Variants in DDX18 observed in about 807,000 individuals in gnomAD.
DDX18 encodes the protein ATP-dependent RNA helicase DDX18.
DDX18 carries 23 observed loss-of-function variants against 73.5 expected under a neutral mutation model. The observed-to-expected ratio is 0.31, with a 90% CI of 0.23 to 0.44. The LOEUF is 0.44. Among genes scored for constraint, DDX18 ranks in the 20% least tolerant of loss-of-function variants. DDX18 has a pLI of 1.00. For synonymous variants in DDX18, 268 were observed against 282.7 expected, an observed-to-expected ratio of 0.95 and a Z score of 0.52; for missense variants, 753 against 792.9, an observed-to-expected ratio of 0.95 and a Z score of 0.60.
Position 117,814,799 on chromosome 2 carries a change from C to T in DDX18, c.22C>T (p.Leu8Phe), listed in dbSNP as rs1328193583. ...CAGAATGTCACACCTGCCGATGAAA[C>T]TCCTGCGTAAGAAGATCGAGAAGCG... Reference protein sequence around the residue: MSHLPMKLLRKKIEKRNL... With the variant: MSHLPMKFLRKKIEKRNL... The change falls in exon 1 of 14, where the codon CTC becomes TTC. Residue 8 changes from leucine (L) to phenylalanine (F), a missense_variant. Around this residue, in one of 3 missense-constraint regions of DDX18, gnomAD observed 345 missense variants for 352.0 expected, o/e 0.98. Transcript: ENST00000263239. 1.2e-6 allele frequency: 2 copies of T among 1,614,222 alleles called. No individual in the cohort carries two copies. The highest frequency in any genetic ancestry group is 1.1e-5 in the South Asian group (1 of 91,082).
chr2:117,824,845 T>G lies in DDX18; in HGVS notation c.1207-95T>G, dbSNP rs968079512. 16 of 1,482,372 alleles carry G rather than the reference T, an allele frequency of 1.1e-5. No homozygotes were observed. In the African/African-American group the frequency reaches 2.0e-4, roughly 18 times the overall value. 91.8% of individuals were successfully genotyped at this position (1,482,372 alleles called of 1,614,324 possible). On this transcript the variant is annotated intron_variant, in intron 8 of 13. Coordinates refer to ENST00000263239, the MANE Select transcript of DDX18 (RefSeq NM_006773.4). ...AGGTGAGGCATGACAGTTTACACAC[T>G]GTGTTTATCAGTGCTCTTGATGAAA...
rs575877421 is a variant in DDX18, at chr2:117,819,659, A to G, written c.381A>G (p.Lys127=). The change falls in exon 3 of 14, where the codon AAA becomes AAG. Residue 127 remains lysine (K), a synonymous_variant. Coordinates refer to ENST00000263239, the MANE Select transcript of DDX18 (RefSeq NM_006773.4). ...MVNDAEPDTK[K]AKTENKGKSE... ...CTTTTAAAACCAAAGATACGAAAAA[A>G]GCAAAAACTGAAAACAAAGGGAAAT... 1.3e-6 allele frequency: 2 copies of G among 1,581,686 alleles called. No individual in the cohort carries two copies. The highest frequency in any genetic ancestry group is 1.4e-5 in the African/African-American group (1 of 72,770).
chr2:117,825,208 T>C, intron 9 of DDX18, 107 bp downstream of exon 9: 2 of 1,411,802 alleles, frequency 1.4e-6, no homozygotes, highest in South Asian at 1.4e-5. Flanking sequence ...TCTGAGTAGT[T>C]TGATCACCAC....
In DDX18 at chr2:117,830,932, G is replaced by A; in HGVS notation, c.*208G>A. 1.8e-6 allele frequency: 1 copy of A among 568,862 alleles called. No individual in the cohort carries two copies. Among genetic ancestry groups the A allele is most frequent in the South Asian group, 2.6e-5 (1 of 38,668 alleles). The allele number at this position is 568,862 out of a possible 1,614,324, so 35.2% of individuals were successfully genotyped here. A position where few individuals can be genotyped will look rare whatever the true frequency, so the allele number is the denominator to read the frequency against. The stretch of plus-strand genomic sequence containing the variant: ...AAAACAGGCTTTAAGTTTCTTGGTT[G>A]CCCAAGGGCAGAGCAAGGAATATCT... On this transcript the variant is annotated 3_prime_UTR_variant, in exon 14 of 14. Coordinates refer to ENST00000263239, the MANE Select transcript of DDX18 (RefSeq NM_006773.4).
chr2:117,829,220 T>C, intron 12 of DDX18, 69 bp from the exon 13 acceptor site: 1 of 1,493,662 alleles, frequency 6.7e-7, no homozygotes, highest in South Asian at 1.3e-5. Flanking sequence ...CTAGGATATT[T>C]AAAATCTGGT....
At chr2:117,827,373 ACATGTGCAC>A (rs1304397699) in intron 11 of DDX18, 1 of 152,160 alleles carries the variant, frequency 6.6e-6, no homozygotes, top group African/African-American at 2.4e-5. Flanking sequence ...GTTCTAGGGT[ACATGTGCAC>A]CATGTGCAGG....
At chr2:117,817,374 T>G in intron 1 of DDX18, 70 bp from the exon 2 acceptor site, 2 of 1,411,518 alleles carry the variant, frequency 1.4e-6, no homozygotes, top group Non-Finnish European at 1.9e-6. Flanking sequence ...AAGTTCTCAT[T>G]TGGGATTTCA....
rs573632705 is a variant in DDX18, at chr2:117,832,037, G to A, written c.*1313G>A. ...TTCTGGGCTTGGCCACCATCACCCT[G>A]GTCGGACCTGTCCTGGACTTCCAAC... On this transcript the variant is annotated 3_prime_UTR_variant, in exon 14 of 14. Coordinates refer to ENST00000263239, the MANE Select transcript of DDX18 (RefSeq NM_006773.4). 2.6e-5 allele frequency: 4 copies of A among 152,438 alleles called. No homozygotes were observed. The South Asian group carries it at 8.3e-4, about 32-fold the overall frequency. The allele number at this position is 152,438 out of a possible 1,614,324, so 9.4% of individuals were successfully genotyped here.
chr2:117,823,322 C>T (rs1349678826), intron 7 of DDX18, among the ~76,000 whole-genome samples: 1 of 151,954 alleles, frequency 6.6e-6, no homozygotes, highest in Admixed American at 6.6e-5. Flanking sequence ...TCCATGTATT[C>T]GATATTTTCT....
At chr2:117,825,951 A>G (rs745930625) in intron 10 of DDX18, 16 of 388,510 alleles carry the variant, frequency 4.1e-5, no homozygotes, top group Non-Finnish European at 6.0e-5. Flanking sequence ...TTCAACAAAC[A>G]CTGGATTAAA....
chr2:117,830,974 A>C lies in DDX18; in HGVS notation c.*250A>C, dbSNP rs1225798315. ...GGAATATCTGGTGTTTCTTGTGATG[A>C]TAATATTTTAATTTTAAATATCCCT... On this transcript the variant is annotated 3_prime_UTR_variant, in exon 14 of 14. Coordinates refer to ENST00000263239, the MANE Select transcript of DDX18 (RefSeq NM_006773.4). The C allele has an allele frequency of 2.4e-6, 1 of 423,730 alleles. No individual in the cohort carries two copies. Among genetic ancestry groups the C allele is most frequent in the Non-Finnish European group, 4.2e-6 (1 of 240,268 alleles). 26.2% of individuals were successfully genotyped at this position (423,730 alleles called of 1,614,324 possible).
intron 7 of DDX18, 50 bp from the exon 8 acceptor site, chr2:117,824,519 G>A: frequency 2.3e-5 from 30 of 1,328,708 alleles, no homozygotes; most frequent in Non-Finnish European, 2.8e-5. Flanking sequence ...TGAGGCAATT[G>A]TAAAGATTCC....
rs1679980596 is a variant in DDX18, at chr2:117,829,207, G to C, written c.1693-82G>C. ...TAAATGTTTTCCATGGAGTGGCTTT[G>C]CTCTAGGATATTTAAAATCTGGTGT... On this transcript the variant is annotated intron_variant, in intron 12 of 13. Transcript: ENST00000263239. The C allele has an allele frequency of 3.5e-6, 5 of 1,434,544 alleles. No individual in the cohort carries two copies. The East Asian group carries it at 9.1e-5, about 26-fold the overall frequency. 88.9% of individuals were successfully genotyped at this position (1,434,544 alleles called of 1,614,324 possible).
At chr2:117,818,672 TTTTGTTTG>T (rs569132250) in intron 2 of DDX18, among the ~76,000 whole-genome samples, 10 of 151,956 alleles carry the variant, frequency 6.6e-5, no homozygotes, top group East Asian at 3.9e-4. Flanking sequence ...CTTATGGGTT[TTTTGTTTG>T]TTTGTTTGTT....
chr2:117,816,536 T>C (rs537811300), intron 1 of DDX18, among the ~76,000 whole-genome samples: 20 of 152,332 alleles, frequency 1.3e-4, no homozygotes, highest in African/African-American at 4.6e-4. Context: ...ACAATAGGCA[T>C]GGAGCTGTCA....
At chr2:117,822,737 C>G (rs1293108435) in intron 7 of DDX18, 1 of 156,774 alleles carries the variant, frequency 6.4e-6, no homozygotes, top group East Asian at 1.9e-4. Flanking sequence ...ACTGTGACAT[C>G]ATCGCTGCAA....
rs1679724372 is a variant in DDX18 at position 117,814,741 on chromosome 2, C to T, written c.-37C>T. 3 of 1,607,736 alleles carry T rather than the reference C, an allele frequency of 1.9e-6. No individual in the cohort carries two copies. Among genetic ancestry groups the T allele is most frequent in the Non-Finnish European group, 2.6e-6 (3 of 1,174,266 alleles). On this transcript the variant is annotated 5_prime_UTR_variant, in exon 1 of 14. Transcript: ENST00000263239. The stretch of plus-strand genomic sequence containing the variant: ...TCAGCCTGAGAACTGAGTAGCTGTA[C>T]TGTGTGGCGCCTTATTCTAGGCACT...
rs1238489768 is a variant in DDX18 at position 117,830,955 on chromosome 2, T to A, written c.*231T>A. Reference sequence around the variant, plus strand: ...TTGCCCAAGGGCAGAGCAAGGAATATCTGGTGTTTCTTGTGATGATAATAT... The same window carrying A: ...TTGCCCAAGGGCAGAGCAAGGAATAACTGGTGTTTCTTGTGATGATAATAT... On this transcript the variant is annotated 3_prime_UTR_variant, in exon 14 of 14. Transcript: ENST00000263239. 2 of 494,184 alleles carry A rather than the reference T, an allele frequency of 4.0e-6. No individual in the cohort carries two copies. The highest frequency in any genetic ancestry group is 4.1e-5 in the African/African-American group (2 of 49,026). The allele number at this position is 494,184 out of a possible 1,614,324, so 30.6% of individuals were successfully genotyped here.
intron 2 of DDX18, among the ~76,000 whole-genome samples, chr2:117,819,227 T>C (rs923388432): frequency 6.6e-6 from 1 of 152,156 alleles, no homozygotes; most frequent in African/African-American, 2.4e-5. Context: ...GTCCAGTGTA[T>C]GTCAGCCAGG....
Sources: gnomAD v4.1 joint callset for allele counts (sites outside exome capture counted in the v4.1 genomes callset) on GRCh38, gnomAD v4.1.1 for gene constraint, gnomAD v4.1.1 regional missense constraint, MANE v1.5 for transcripts, NCBI Gene and HGNC (gene_info 2026-07-23, HGNC 2026-07-21) for gene names.